ROR2: variants seen among roughly 807,000 people sequenced by gnomAD.
The protein encoded by ROR2 is ROR family WNT receptor 2.
A neutral mutation model predicts 74.9 loss-of-function variants in ROR2; 33 were observed. The ratio of observed to expected loss-of-function variants is 0.44; its 90% confidence interval spans 0.33 to 0.59. The LOEUF (loss-of-function observed/expected upper bound fraction) is 0.59, where lower values mean the gene tolerates loss of function less well. Ranked by LOEUF, ROR2 falls within the 20% of genes least tolerant of loss-of-function variation. The pLI, the probability that ROR2 is intolerant of heterozygous loss-of-function variation, is 0.02. For synonymous variants in ROR2, 586 were observed against 558.7 expected, an observed-to-expected ratio of 1.05 and a Z score of -0.69; for missense variants, 1,216 against 1,313.8, an observed-to-expected ratio of 0.93 and a Z score of 1.15.
rs570169422 is a variant in ROR2 at position 91,874,250 on chromosome 9, G to A, written c.97+75617C>T. 9.9e-5 allele frequency among the ~76,000 whole-genome samples: 15 copies of A among 152,182 alleles called. No individual in the cohort carries two copies. The East Asian group carries it at 2.1e-3, about 22-fold the overall frequency. ...ACCCCAGTAAAAGGTGCTCTGTGGC[G>A]GCCACTTGGCCACCTGCACCGGTTC... On this transcript the variant is annotated intron_variant, in intron 1 of 8. Coordinates refer to ENST00000375708, the MANE Select transcript of ROR2 (RefSeq NM_004560.4).
At chr9:91,883,353 C>G (rs1359065248) in intron 1 of ROR2, 3 of 152,218 alleles carry the variant, frequency 2.0e-5, no homozygotes, top group Admixed American at 1.3e-4. Context: ...CATTTCATCA[C>G]TCTTCATGTT....
intron 1 of ROR2, among the ~76,000 whole-genome samples, chr9:91,900,642 G>A (rs1319744840): frequency 6.6e-6 from 1 of 152,182 alleles, no homozygotes; most frequent in African/African-American, 2.4e-5. Context: ...AGGACTCCTC[G>A]CGGGGCACGT....
chr9:91,869,593 C>A (rs560580889), intron 1 of ROR2, among the ~76,000 whole-genome samples: 9 of 152,254 alleles, frequency 5.9e-5, no homozygotes, highest in African/African-American at 2.2e-4. Flanking sequence ...TATGATTCCA[C>A]TATTGACATT....
At chr9:91,824,465 C>T (rs1351347209) in intron 1 of ROR2, among the ~76,000 whole-genome samples, 1 of 152,198 alleles carries the variant, frequency 6.6e-6, no homozygotes, top group African/African-American at 2.4e-5. Context: ...GCAGGGCATC[C>T]CCTCTGCAGG....
intron 6 of ROR2, among the ~76,000 whole-genome samples, chr9:91,731,732 T>C (rs1366112430): frequency 6.6e-6 from 1 of 152,058 alleles, no homozygotes; most frequent in Non-Finnish European, 1.5e-5. Context: ...CTGGCCAACA[T>C]GGTGAAACTC....
intron 1 of ROR2, among the ~76,000 whole-genome samples, chr9:91,868,806 C>T (rs1587803397): frequency 6.6e-6 from 1 of 152,090 alleles, no homozygotes; most frequent in Non-Finnish European, 1.5e-5. Flanking sequence ...GTGGAATAAG[C>T]GCTGAAGGAA....
intron 1 of ROR2, among the ~76,000 whole-genome samples, chr9:91,927,360 G>A (rs536912970): frequency 6.6e-6 from 1 of 152,170 alleles, no homozygotes; most frequent in Admixed American, 6.5e-5. Flanking sequence ...CTGCCTGCAA[G>A]AAAAGTCCTT....
intron 2 of ROR2, among the ~76,000 whole-genome samples, chr9:91,760,445 AAC>A (rs1015643405): frequency 6.6e-6 from 1 of 152,272 alleles, no homozygotes; most frequent in African/African-American, 2.4e-5. Context: ...AATCCTGGCT[AAC>A]ACAGTGAAAC....
chr9:91,949,234 G>A (rs567111388), intron 1 of ROR2, among the ~76,000 whole-genome samples: 2 of 151,974 alleles, frequency 1.3e-5, no homozygotes, highest in South Asian at 2.1e-4. Context: ...AGAGCGGTGG[G>A]GGAGAGGAGG....
chr9:91,772,007 C>T (rs758113901), intron 2 of ROR2, among the ~76,000 whole-genome samples: 1 of 152,158 alleles, frequency 6.6e-6, no homozygotes, highest in Non-Finnish European at 1.5e-5. Flanking sequence ...TGTGGCCAAG[C>T]GTGACATTCC....
chr9:91,760,252 C>A (rs545439152), intron 2 of ROR2, among the ~76,000 whole-genome samples: 11 of 152,220 alleles, frequency 7.2e-5, no homozygotes, highest in Admixed American at 2.6e-4. Flanking sequence ...CCTTGCCTTT[C>A]CCCTCCCCAC....
intron 6 of ROR2, among the ~76,000 whole-genome samples, chr9:91,731,498 A>T (rs193160849): frequency 2.0e-5 from 3 of 152,268 alleles, no homozygotes; most frequent in Non-Finnish European, 4.4e-5. Context: ...CTGTGCAAGC[A>T]AGAAGGGCCT....
intron 1 of ROR2, among the ~76,000 whole-genome samples, chr9:91,912,175 T>TA (rs1831009411): frequency 6.6e-6 from 1 of 152,216 alleles, no homozygotes; most frequent in South Asian, 2.1e-4. Context: ...GTGGCTTCCT[T>TA]AATAGTATCA....
intron 1 of ROR2, among the ~76,000 whole-genome samples, chr9:91,913,385 C>A (rs1199431193): frequency 6.6e-6 from 1 of 151,200 alleles, no homozygotes; most frequent in African/African-American, 2.4e-5. Flanking sequence ...GATTTTTTTT[C>A]TCTCTTTGTT....
chr9:91,768,611 C>G (rs369590919), intron 2 of ROR2, among the ~76,000 whole-genome samples: 6 of 152,166 alleles, frequency 3.9e-5, no homozygotes, highest in South Asian at 2.1e-4. Flanking sequence ...GACGCCACCC[C>G]GCTGGGCGCA....
chr9:91,921,829 C>G (rs1001094199), intron 1 of ROR2, among the ~76,000 whole-genome samples: 1 of 148,884 alleles, frequency 6.7e-6, no homozygotes, highest in African/African-American at 2.5e-5. Context: ...CCACTGCACT[C>G]CAGCCTGGGC....
At chr9:91,948,056 A>G (rs1832060186) in intron 1 of ROR2, among the ~76,000 whole-genome samples, 1 of 151,820 alleles carries the variant, frequency 6.6e-6, no homozygotes, top group Non-Finnish European at 1.5e-5. Context: ...CTTTGTTCAT[A>G]TAAGACATTT....
Position 91,937,029 on chromosome 9 carries a change from C to CAAAAAAAAAAAAA in ROR2, c.97+12825_97+12837dup, listed in dbSNP as rs540672189. ...TGGGCGACAGAGCGAGACTCCGTCT[C>CAAAAAAAAAAAAA]AAAAAAAAAAAAAAAAAAGATTTCC... is the stretch of plus-strand genomic sequence containing the variant. On this transcript the variant is annotated intron_variant, in intron 1 of 8. Transcript: ENST00000375708. Among the ~76,000 whole-genome samples, 70 of 65,584 alleles carry CAAAAAAAAAAAAA rather than the reference C, an allele frequency of 1.1e-3. 1 individual carries two copies. In the East Asian group the frequency reaches 0.023, roughly 21 times the overall value. 43.0% of individuals were successfully genotyped at this position (65,584 alleles called of 152,430 possible).
At chr9:91,917,470 GT>G (rs1831165618) in intron 1 of ROR2, among the ~76,000 whole-genome samples, 1 of 152,220 alleles carries the variant, frequency 6.6e-6, no homozygotes, top group Non-Finnish European at 1.5e-5. Flanking sequence ...GGAAGCTCGT[GT>G]GTCCTCACTG....
Sources: allele counts gnomAD v4.1 joint callset (sites outside exome capture counted in the v4.1 genomes callset), GRCh38; gene constraint gnomAD v4.1.1; transcripts MANE v1.5; gene names NCBI Gene and HGNC (gene_info 2026-07-23, HGNC 2026-07-21).